SSX2IP: variants seen among roughly 807,000 people sequenced by gnomAD.
SSX2IP encodes the protein SSX family member 2 interacting protein.
A neutral mutation model predicts 84.9 loss-of-function variants in SSX2IP; 55 were observed. The ratio of observed to expected loss-of-function variants is 0.65; its 90% CI spans 0.52 to 0.81. The LOEUF (loss-of-function observed/expected upper bound fraction) is 0.81, where lower values mean the gene tolerates loss of function less well. Ranked by LOEUF, SSX2IP falls within the 30% of genes least tolerant of loss-of-function variation. The pLI, the probability that SSX2IP is intolerant of heterozygous loss-of-function variation, is 0.00. For missense variants in SSX2IP, 664 were observed against 705.2 expected (o/e 0.94, Z 0.66); for synonymous variants, 239 against 234.7 (o/e 1.02, Z -0.17).
chr1:84,684,203 C>T (rs1438232197), intron 1 of SSX2IP, among the ~76,000 whole-genome samples: 2 of 152,170 alleles, frequency 1.3e-5, no homozygotes, highest in African/African-American at 4.8e-5. Flanking sequence ...TCAACATCAC[C>T]TGACTCAATA....
intron 3 of SSX2IP, 170 bp downstream of exon 3, chr1:84,670,476 T>TA (rs1057231990): frequency 3.7e-5 from 16 of 426,916 alleles, no homozygotes; most frequent in African/African-American, 2.5e-4. Context: ...ACAAAAAAGT[T>TA]AGACTTGCTA....
At chr1:84,681,452 A>C (rs1185502992) in intron 1 of SSX2IP, among the ~76,000 whole-genome samples, 2 of 152,190 alleles carry the variant, frequency 1.3e-5, no homozygotes, top group African/African-American at 4.8e-5. Context: ...TTGTTAACTC[A>C]AACTACCTAT....
At chr1:84,688,976 TTTTG>T (rs1346658247) in intron 1 of SSX2IP, among the ~76,000 whole-genome samples, 1 of 152,176 alleles carries the variant, frequency 6.6e-6, no homozygotes, top group African/African-American at 2.4e-5. Flanking sequence ...CAAAGAACCG[TTTTG>T]TTTGAGAAAC....
intron 8 of SSX2IP, among the ~76,000 whole-genome samples, chr1:84,659,055 G>C (rs553186115): frequency 6.6e-6 from 1 of 152,244 alleles, no homozygotes; most frequent in South Asian, 2.1e-4. Flanking sequence ...CAGAATCAAA[G>C]CAGGATAAAG....
chr1:84,668,964 T>C (rs1272540199), intron 4 of SSX2IP, among the ~76,000 whole-genome samples: 1 of 152,122 alleles, frequency 6.6e-6, no homozygotes, highest in Non-Finnish European at 1.5e-5. Flanking sequence ...TTGGATTGAT[T>C]TATATTATAC....
At chr1:84,647,660 C>T (rs1649639263) in intron 13 of SSX2IP, 53 bp from the exon 14 acceptor site, 1 of 1,307,444 alleles carries the variant, frequency 7.6e-7, no homozygotes, top group Non-Finnish European at 1.0e-6. Context: ...TTCTTTTGTA[C>T]TTTAACCTCA....
At chr1:84,685,830 TGGCTATAGAATAGAAAATAAAATCGAA>T (rs541007164) in intron 1 of SSX2IP, among the ~76,000 whole-genome samples, 234 of 152,294 alleles carry the variant, frequency 1.5e-3, no homozygotes, top group African/African-American at 5.4e-3. Context: ...TCCTGAAATT[TGGCTATAGAATAGAAAATAAAATCGAA>T]GGCTATAGAA....
intron 1 of SSX2IP, among the ~76,000 whole-genome samples, chr1:84,676,859 A>C (rs927604747): frequency 8.0e-5 from 12 of 150,450 alleles, no homozygotes; most frequent in African/African-American, 2.9e-4. Context: ...AGTAGCTGGG[A>C]TTACAGGCGG....
chr1:84,656,504 T>C lies in SSX2IP; in HGVS notation c.1079-20A>G, dbSNP rs1422757375. 1.9e-6 allele frequency: 3 copies of C among 1,607,818 alleles called. No individual in the cohort carries two copies. The highest frequency in any genetic ancestry group is 1.7e-5 in the Admixed American group (1 of 59,378). On this transcript the variant is annotated intron_variant, in intron 9 of 13. Transcript: ENST00000342203. ...TTGAAACTAAGACAAAATCAGTAAG[T>C]TGACATAGGTCTTATAGCCACCACT...
At chr1:84,659,530 T>A (rs1483580428) in intron 8 of SSX2IP, among the ~76,000 whole-genome samples, 1 of 152,176 alleles carries the variant, frequency 6.6e-6, no homozygotes, top group African/African-American at 2.4e-5. Context: ...GCGCGGTGGC[T>A]CATGCCTGTA....
At chr1:84,681,354 C>G (rs1655056994) in intron 1 of SSX2IP, among the ~76,000 whole-genome samples, 1 of 152,128 alleles carries the variant, frequency 6.6e-6, no homozygotes, top group Admixed American at 6.5e-5. Context: ...CCAGGCTATT[C>G]TGGGATTATT....
chr1:84,655,304 G>A, intron 11 of SSX2IP: 6 of 1,061,438 alleles, frequency 5.7e-6, no homozygotes, highest in Non-Finnish European at 6.9e-6. Context: ...AATGAGTTTT[G>A]TTGATTTTTT....
At chr1:84,663,781 C>T (rs1182152495) in intron 6 of SSX2IP, among the ~76,000 whole-genome samples, 1 of 152,144 alleles carries the variant, frequency 6.6e-6, no homozygotes, top group East Asian at 1.9e-4. Context: ...CTTCTTGTGC[C>T]TCGTATTTAT....
intron 6 of SSX2IP, among the ~76,000 whole-genome samples, chr1:84,663,521 T>C (rs954815260): frequency 1.3e-5 from 2 of 152,220 alleles, no homozygotes; most frequent in Non-Finnish European, 2.9e-5. Flanking sequence ...CATTTCTATT[T>C]TTCAACAATT....
At chr1:84,677,314 G>A (rs1381650748) in intron 1 of SSX2IP, among the ~76,000 whole-genome samples, 1 of 152,120 alleles carries the variant, frequency 6.6e-6, no homozygotes, top group Non-Finnish European at 1.5e-5. Context: ...ACACAATATT[G>A]AAACTAACTT....
chr1:84,656,795 T>C (rs1286502125), intron 9 of SSX2IP, among the ~76,000 whole-genome samples: 3 of 152,136 alleles, frequency 2.0e-5, no homozygotes, highest in African/African-American at 4.8e-5. Context: ...TTGCCAACAA[T>C]TTGTAATCCA....
intron 2 of SSX2IP, 151 bp from the exon 3 acceptor site, chr1:84,670,966 G>A: frequency 1.2e-6 from 1 of 860,430 alleles, no homozygotes; most frequent in South Asian, 2.4e-5. Context: ...TTCAAATTAG[G>A]GCAAAGCCTC....
At chr1:84,649,851 G>A in intron 13 of SSX2IP, 2 of 473,398 alleles carry the variant, frequency 4.2e-6, no homozygotes, top group Admixed American at 4.9e-5. Flanking sequence ...AGCAACATAT[G>A]GGTTTCCCAG....
intron 11 of SSX2IP, chr1:84,655,615 CG>C: frequency 6.7e-7 from 1 of 1,489,988 alleles, no homozygotes. Flanking sequence ...ATGCTTATAG[CG>C]TTTTTTTTTC....
Sources: gnomAD v4.1 joint callset for allele counts (sites outside exome capture counted in the v4.1 genomes callset) on GRCh38, gnomAD v4.1.1 for gene constraint, MANE v1.5 for transcripts, NCBI Gene and HGNC (gene_info 2026-07-23, HGNC 2026-07-21) for gene names.